Variants in GPM6A observed in about 807,000 individuals in gnomAD.
The protein encoded by GPM6A is glycoprotein M6A.
A neutral mutation model predicts 32.1 loss-of-function variants in GPM6A; 7 were observed. The ratio of observed to expected loss-of-function variants is 0.22; its 90% CI spans 0.12 to 0.41. The LOEUF (loss-of-function observed/expected upper bound fraction) is 0.41, where lower values mean the gene tolerates loss of function less well. GPM6A is among the 10% of genes least tolerant of loss of function. The pLI is 1.00. For missense variants in GPM6A, 235 were observed against 347.2 expected (o/e 0.68, Z 2.57); for synonymous variants, 130 against 123.4 (o/e 1.05, Z -0.35).
intron 1 of GPM6A, among the ~76,000 whole-genome samples, chr4:175,830,124 A>G (rs999286699): frequency 6.6e-6 from 1 of 152,106 alleles, no homozygotes. Context: ...GAAAATGCAC[A>G]TGAATATGGA....
intron 1 of GPM6A, among the ~76,000 whole-genome samples, chr4:175,742,340 G>A (rs1257668886): frequency 1.3e-5 from 2 of 151,998 alleles, no homozygotes; most frequent in East Asian, 3.9e-4. Context: ...TTGCAAAATG[G>A]CTCGCCTGCT....
intron 1 of GPM6A, among the ~76,000 whole-genome samples, chr4:175,857,838 G>C (rs866962961): frequency 6.6e-6 from 1 of 151,946 alleles, no homozygotes; most frequent in African/African-American, 2.4e-5. Context: ...CCTTTACCAC[G>C]TATATTCATG....
chr4:175,673,909 C>T (rs1050741869), intron 2 of GPM6A, 73 bp from the exon 3 acceptor site: 58 of 927,886 alleles, frequency 6.3e-5, no homozygotes, highest in Non-Finnish European at 9.3e-5. Flanking sequence ...TTCTCACATG[C>T]TCATGATTCT....
At chr4:175,653,727 G>A (rs765588639) in intron 3 of GPM6A, among the ~76,000 whole-genome samples, 15 of 152,012 alleles carry the variant, frequency 9.9e-5, no homozygotes, top group Admixed American at 3.9e-4. Flanking sequence ...TTTCAGTCAC[G>A]TAAGGCAATA....
intron 1 of GPM6A, among the ~76,000 whole-genome samples, chr4:175,858,972 G>C (rs1310132119): frequency 2.0e-5 from 3 of 152,188 alleles, no homozygotes; most frequent in African/African-American, 7.2e-5. Flanking sequence ...AGCAAAAAAG[G>C]GTACATACTG....
intron 1 of GPM6A, among the ~76,000 whole-genome samples, chr4:175,730,442 G>A (rs532639598): frequency 1.4e-5 from 2 of 147,626 alleles, no homozygotes; most frequent in Admixed American, 6.8e-5. Flanking sequence ...GGGGTTTCAC[G>A]ATGTTGGCCA....
intron 4 of GPM6A, among the ~76,000 whole-genome samples, chr4:175,643,039 C>T (rs1741242213): frequency 6.6e-6 from 1 of 152,118 alleles, no homozygotes; most frequent in Admixed American, 6.6e-5. Context: ...CCCGCAAACC[C>T]TACATGCAAT....
At chr4:175,637,267 T>TTATATATTATATATTATATAAAA (rs1740725203) in intron 6 of GPM6A, among the ~76,000 whole-genome samples, 16 of 52,160 alleles carry the variant, frequency 3.1e-4, no homozygotes, top group Non-Finnish European at 4.2e-4. Context: ...AAAATATATA[T>TTATATATTATATATTATATAAAA]TATATATTAT....
rs148619175 is a variant in GPM6A, at chr4:175,896,897, T to C, written c.-22-84648A>G. Among the ~76,000 whole-genome samples, 1,112 of 152,276 alleles carry C rather than the reference T, an allele frequency of 7.3e-3. 13 individuals are homozygous for C. Among genetic ancestry groups the C allele is most frequent in the African/African-American group, 0.025 (1,046 of 41,542 alleles). On this transcript the variant is annotated intron_variant, in intron 1 of 7. Coordinates refer to the GPM6A transcript ENST00000280187. ...CAAATCACCCAGAAATCCTCTTCTT[T>C]GAGGTGGCATCTTTCATTTGAATAG...
chr4:175,687,010 T>C (rs530875791), intron 2 of GPM6A, among the ~76,000 whole-genome samples: 12 of 152,216 alleles, frequency 7.9e-5, no homozygotes, highest in South Asian at 2.1e-4. Context: ...AATGAGTAGC[T>C]TTTCTAGTCT....
intron 1 of GPM6A, among the ~76,000 whole-genome samples, chr4:175,713,405 C>G (rs1323656532): frequency 2.0e-5 from 3 of 151,976 alleles, no homozygotes; most frequent in African/African-American, 7.3e-5. Flanking sequence ...ATTGGTCAGG[C>G]TGGTCTTGAA....
intron 1 of GPM6A, among the ~76,000 whole-genome samples, chr4:175,843,587 G>A (rs1156280911): frequency 1.3e-5 from 2 of 152,128 alleles, no homozygotes; most frequent in Non-Finnish European, 2.9e-5. Context: ...GGACCCAGGC[G>A]AGCTTCATAG....
intron 1 of GPM6A, among the ~76,000 whole-genome samples, chr4:175,946,599 T>C (rs1158894142): frequency 6.6e-6 from 1 of 152,136 alleles, no homozygotes; most frequent in Non-Finnish European, 1.5e-5. Flanking sequence ...AGGTGGTCCA[T>C]AGAAGCCAGC....
At chr4:175,728,003 CAAAAAAAA>C (rs36001392) in intron 1 of GPM6A, among the ~76,000 whole-genome samples, 1,435 of 97,068 alleles carry the variant, frequency 0.015, 23 homozygotes, top group African/African-American at 0.051. Flanking sequence ...GACTCCGTTT[CAAAAAAAA>C]AAAAAAAAAA....
chr4:175,637,639 T>C (rs1298359332), intron 6 of GPM6A, among the ~76,000 whole-genome samples: 2 of 45,158 alleles, frequency 4.4e-5, no homozygotes, highest in African/African-American at 6.0e-5. Context: ...ATATATATTA[T>C]ATATTATATA....
At chr4:175,744,780 G>C (rs980300332) in intron 1 of GPM6A, among the ~76,000 whole-genome samples, 1 of 152,118 alleles carries the variant, frequency 6.6e-6, no homozygotes, top group Non-Finnish European at 1.5e-5. Flanking sequence ...CACTCTAGTA[G>C]AAAGAAACCT....
intron 3 of GPM6A, 25 bp downstream of exon 3, chr4:175,673,655 T>C (rs779189890): frequency 1.3e-6 from 2 of 1,551,450 alleles, no homozygotes; most frequent in East Asian, 4.5e-5. Context: ...CCACATTAAA[T>C]ACTGAATGTA....
At chr4:175,954,993 C>T (rs990276319) in intron 1 of GPM6A, among the ~76,000 whole-genome samples, 1 of 152,230 alleles carries the variant, frequency 6.6e-6, no homozygotes, top group Non-Finnish European at 1.5e-5. Context: ...ATAAAACACC[C>T]TGTGTCTACT....
At chr4:175,758,563 G>T (rs1222355030) in intron 1 of GPM6A, among the ~76,000 whole-genome samples, 1 of 152,152 alleles carries the variant, frequency 6.6e-6, no homozygotes, top group African/African-American at 2.4e-5. Flanking sequence ...AGTGTCAATT[G>T]ATCCACCAGT....
Sources: gnomAD v4.1 joint callset for allele counts (sites outside exome capture counted in the v4.1 genomes callset) on GRCh38, gnomAD v4.1.1 for gene constraint, MANE v1.5 for transcripts, NCBI Gene and HGNC (gene_info 2026-07-23, HGNC 2026-07-21) for gene names.